ABTB2: variants seen among roughly 807,000 people sequenced by gnomAD.
ABTB2 encodes ankyrin repeat and BTB domain containing 2, also known as ankyrin repeat and BTB/POZ domain-containing protein 2.
Under a neutral mutation model 104.1 loss-of-function variants are expected in ABTB2, and 56 were observed. That is an observed-to-expected ratio of 0.54 (90% CI 0.43 to 0.67). ABTB2 has a LOEUF of 0.67. Among genes scored for constraint, ABTB2 ranks in the 30% least tolerant of loss-of-function variants. ABTB2 has a pLI of 0.00. For missense variants in ABTB2, 1,279 were observed against 1,407.7 expected, an observed-to-expected ratio of 0.91 and a Z score of 1.46; for synonymous variants, 606 against 608.2, an observed-to-expected ratio of 1.00 and a Z score of 0.05.
chr11:34,221,859 C>T (rs773248975), intron 1 of ABTB2, among the ~76,000 whole-genome samples: 7 of 152,172 alleles, frequency 4.6e-5, no homozygotes, highest in Non-Finnish European at 1.0e-4. Flanking sequence ...GTCAACATGG[C>T]AAAACACTGT....
rs373081482 is a variant in ABTB2, at chr11:34,185,879, G to A, written c.1244+11446C>T. Among the ~76,000 whole-genome samples the A allele has an allele frequency of 3.3e-5, 5 of 152,296 alleles. No homozygotes were observed. In the East Asian group the frequency reaches 9.6e-4, roughly 29 times the overall value. On this transcript the variant is annotated intron_variant, in intron 3 of 16. Transcript: ENST00000435224. ...GGTTTGAGGCAATGGACATGCTAAG[G>A]ACCCTGATTTGATCATTATAGAATG... is the stretch of plus-strand genomic sequence containing the variant.
At chr11:34,319,789 C>T (rs1252070390) in intron 1 of ABTB2, among the ~76,000 whole-genome samples, 2 of 152,228 alleles carry the variant, frequency 1.3e-5, no homozygotes, top group Non-Finnish European at 2.9e-5. Flanking sequence ...CTGCCTCAGC[C>T]TCCCAAGTAG....
At chr11:34,319,777 T>C (rs943419097) in intron 1 of ABTB2, among the ~76,000 whole-genome samples, 47 of 152,342 alleles carry the variant, frequency 3.1e-4, no homozygotes, top group African/African-American at 1.1e-3. Context: ...CAAGTGATTC[T>C]CCTGCCTCAG....
intron 8 of ABTB2, 91 bp downstream of exon 8, chr11:34,165,169 A>C (rs1852780752): frequency 8.1e-7 from 1 of 1,231,020 alleles, no homozygotes; most frequent in African/African-American, 1.5e-5. Flanking sequence ...TGTGTGCTAA[A>C]GAGACCCCTG....
chr11:34,284,929 C>T (rs1201044768), intron 1 of ABTB2, among the ~76,000 whole-genome samples: 1 of 152,174 alleles, frequency 6.6e-6, no homozygotes, highest in African/African-American at 2.4e-5. Context: ...TCAGACTGGC[C>T]GTCCTCAGCC....
chr11:34,181,234 TG>T (rs1311506743), intron 3 of ABTB2, among the ~76,000 whole-genome samples: 46 of 129,356 alleles, frequency 3.6e-4, no homozygotes, highest in Non-Finnish European at 6.6e-4. Flanking sequence ...CCCTGCAGCC[TG>T]GAAAACAAAC....
chr11:34,265,774 G>A (rs1854242079), intron 1 of ABTB2, among the ~76,000 whole-genome samples: 2 of 150,508 alleles, frequency 1.3e-5, no homozygotes, highest in African/African-American at 4.9e-5. Context: ...TTCGAGACCA[G>A]CCTGGCCAAC....
chr11:34,346,262 T>A (rs989259536), intron 1 of ABTB2, among the ~76,000 whole-genome samples: 1 of 148,494 alleles, frequency 6.7e-6, no homozygotes, highest in South Asian at 2.1e-4. Context: ...AAGAAGGGTG[T>A]AGCATATTTA....
chr11:34,343,340 T>C (rs1855286266), intron 1 of ABTB2, among the ~76,000 whole-genome samples: 1 of 152,186 alleles, frequency 6.6e-6, no homozygotes, highest in Admixed American at 6.5e-5. Flanking sequence ...TAATAGTTAA[T>C]GTCTGCATCC....
chr11:34,306,718 T>A (rs1854778132), intron 1 of ABTB2, among the ~76,000 whole-genome samples: 1 of 151,806 alleles, frequency 6.6e-6, no homozygotes, highest in South Asian at 2.1e-4. Context: ...AGTGAGACCC[T>A]GTCTCTAAAA....
intron 2 of ABTB2, among the ~76,000 whole-genome samples, chr11:34,200,227 G>T (rs1272396658): frequency 6.6e-6 from 1 of 152,188 alleles, no homozygotes; most frequent in African/African-American, 2.4e-5. Context: ...GAGAAACCTT[G>T]TTGAAATAAC....
intron 1 of ABTB2, among the ~76,000 whole-genome samples, chr11:34,350,692 C>A (rs914140834): frequency 1.3e-4 from 20 of 152,200 alleles, no homozygotes; most frequent in Non-Finnish European, 1.2e-4. Context: ...AGTGTCTGGA[C>A]ACCATAGGCC....
At chr11:34,185,168 T>C (rs1405204786) in intron 3 of ABTB2, among the ~76,000 whole-genome samples, 2 of 152,174 alleles carry the variant, frequency 1.3e-5, no homozygotes, top group African/African-American at 4.8e-5. Flanking sequence ...CCCATTCAGA[T>C]TGTCAGCTGA....
At chr11:34,287,826 CTT>C (rs1424898634) in intron 1 of ABTB2, among the ~76,000 whole-genome samples, 1 of 151,886 alleles carries the variant, frequency 6.6e-6, no homozygotes, top group Non-Finnish European at 1.5e-5. Context: ...TATTTTTTTT[CTT>C]TTTTATAGAA....
intron 1 of ABTB2, among the ~76,000 whole-genome samples, chr11:34,258,754 C>G (rs1854154730): frequency 6.6e-6 from 1 of 151,994 alleles, no homozygotes; most frequent in Non-Finnish European, 1.5e-5. Context: ...GCACCTGCCA[C>G]CATGCCCAGC....
At chr11:34,160,704 G>GT (rs1274227699) in intron 11 of ABTB2, among the ~76,000 whole-genome samples, 199 bp downstream of exon 11, 1 of 103,308 alleles carries the variant, frequency 9.7e-6, no homozygotes, top group Non-Finnish European at 2.1e-5. Context: ...GTGGGGGGGG[G>GT]GGCCTGGGTG....
intron 3 of ABTB2, among the ~76,000 whole-genome samples, chr11:34,188,226 G>T (rs544590596): frequency 1.9e-4 from 29 of 152,298 alleles, no homozygotes; most frequent in African/African-American, 6.7e-4. Context: ...TAACTCCAAA[G>T]AACCCAACCA....
intron 1 of ABTB2, among the ~76,000 whole-genome samples, chr11:34,352,398 G>T (rs1294119176): frequency 6.6e-6 from 1 of 151,936 alleles, no homozygotes; most frequent in Non-Finnish European, 1.5e-5. Flanking sequence ...CCATTACCCT[G>T]CCCTTTAAAA....
chr11:34,353,865 C>T (rs1400852144), intron 1 of ABTB2, among the ~76,000 whole-genome samples: 1 of 152,208 alleles, frequency 6.6e-6, no homozygotes, highest in Non-Finnish European at 1.5e-5. Context: ...CCTTCCCATA[C>T]GCAGTCATTC....
Sources: gnomAD v4.1 joint callset for allele counts (sites outside exome capture counted in the v4.1 genomes callset) on GRCh38, gnomAD v4.1.1 for gene constraint, MANE v1.5 for transcripts, NCBI Gene and HGNC (gene_info 2026-07-23, HGNC 2026-07-21) for gene names.